The following IFT140 variants were observed in gnomAD, a reference collection of about 807,000 sequenced individuals.
IFT140 encodes intraflagellar transport protein 140 homolog.
IFT140 carries 133 observed loss-of-function variants against 164.6 expected under a neutral mutation model. That is an observed-to-expected ratio of 0.81 (90% confidence interval 0.70 to 0.93). IFT140 has a LOEUF of 0.93. Ranked by LOEUF, IFT140 falls within the 40% of genes least tolerant of loss-of-function variation. The pLI is 0.00. For synonymous variants in IFT140, 860 were observed against 817.3 expected (o/e 1.05, Z -0.89); for missense variants, 2,045 against 1,972.3 (o/e 1.04, Z -0.70).
intron 19 of IFT140, among the ~76,000 whole-genome samples, chr16:1,552,047 G>A (rs993301981): frequency 6.6e-6 from 1 of 152,202 alleles, no homozygotes; most frequent in Non-Finnish European, 1.5e-5. Context: ...GAGGGAGGTT[G>A]ACCCTGGAAG....
intron 19 of IFT140, chr16:1,541,475 C>T (rs1435142754): frequency 1.0e-6 from 1 of 985,348 alleles, no homozygotes; most frequent in African/African-American, 1.7e-5. Context: ...GAGGAGCTGG[C>T]CCCCCGCGGA....
chr16:1,610,362 G>A (rs534609166), intron 2 of IFT140: 4 of 154,996 alleles, frequency 2.6e-5, no homozygotes, highest in Non-Finnish European at 4.4e-5. Flanking sequence ...TCGGGGGTGT[G>A]ATGGCGCCGC....
At chr16:1,541,106 C>A in intron 19 of IFT140, 1 of 985,436 alleles carries the variant, frequency 1.0e-6, no homozygotes, top group Non-Finnish European at 1.2e-6. Flanking sequence ...CAGAAGGCTC[C>A]ATCTGCCCCT....
At chr16:1,585,430 G>A (rs773656014) in intron 10 of IFT140, among the ~76,000 whole-genome samples, 3 of 152,172 alleles carry the variant, frequency 2.0e-5, no homozygotes, top group Non-Finnish European at 4.4e-5. Context: ...AAATAAGAGC[G>A]ACCACTAAAA....
chr16:1,523,699 G>C lies in IFT140; in HGVS notation c.3272C>G (p.Ala1091Gly), dbSNP rs1388883454. 1.2e-6 allele frequency: 2 copies of C among 1,613,062 alleles called. No homozygotes were observed. Among genetic ancestry groups the C allele is most frequent in the African/African-American group, 1.3e-5 (1 of 75,048 alleles). Residue 1091 changes from alanine to glycine, a missense_variant and splice_region_variant, in exon 26 of 31, where the codon GCT (alanine) becomes GGT (glycine). Transcript: ENST00000426508. ...MDRAVMLYHK[A>G]GHFSKALELA... ...CTCCAGGGCCTTGGAGAAGTGGCCA[G>C]CCTGCGGATACGGTGGGCTCTGAGC...
At chr16:1,528,537 A>G (rs1407896392) in intron 19 of IFT140, among the ~76,000 whole-genome samples, 1 of 151,112 alleles carries the variant, frequency 6.6e-6, no homozygotes, top group Non-Finnish European at 1.5e-5. Context: ...ACACAAGCAC[A>G]TGCACGCACA....
chr16:1,556,372 T>C (rs970838455), intron 19 of IFT140, among the ~76,000 whole-genome samples: 1 of 152,252 alleles, frequency 6.6e-6, no homozygotes, highest in Non-Finnish European at 1.5e-5. Context: ...ACCACAGTCC[T>C]GGTGCCTGGC....
rs1265241944 is a variant in IFT140, at chr16:1,567,182, C to T, written c.1771-891G>A. On this transcript the variant is annotated intron_variant, in intron 15 of 30. Transcript: ENST00000426508. Reference sequence around the variant, plus strand: ...ATCGTCAAGCCCCACTGCAGCTGCTCGAGCCCTCCAGTGGCTGCCACGGGG... The same window carrying T: ...ATCGTCAAGCCCCACTGCAGCTGCTTGAGCCCTCCAGTGGCTGCCACGGGG... 3.9e-5 allele frequency among the ~76,000 whole-genome samples: 6 copies of T among 152,314 alleles called. 1 individual carries two copies. The highest frequency in any genetic ancestry group is 9.6e-5 in the African/African-American group (4 of 41,562).
intron 30 of IFT140, among the ~76,000 whole-genome samples, chr16:1,517,811 G>A (rs996068319): frequency 2.0e-5 from 3 of 152,090 alleles, no homozygotes; most frequent in East Asian, 1.9e-4. Context: ...CAGTAACAGC[G>A]TGAGACTGTT....
rs201148396 is a variant in IFT140 at position 1,558,169 on chromosome 16, A to G, written c.2200-35T>C. The G allele has an allele frequency of 1.5e-4, 244 of 1,608,996 alleles. No homozygotes were observed. The African/African-American group carries it at 3.1e-3, about 21-fold the overall frequency. ...AAAGGACCCATGTGTTTGTTAATTC[A>G]TATGTAAAGCTGAAGCCCTCACCCA... On this transcript the variant is annotated intron_variant, in intron 18 of 30. Coordinates refer to ENST00000426508, the MANE Select transcript of IFT140 (RefSeq NM_014714.4).
chr16:1,515,540 A>G (rs1465639955), intron 30 of IFT140, among the ~76,000 whole-genome samples: 1 of 152,012 alleles, frequency 6.6e-6, no homozygotes, highest in Non-Finnish European at 1.5e-5. Flanking sequence ...CCAAGCAGCC[A>G]AGACTGCAGG....
Position 1,592,216 on chromosome 16 carries a change from C to T in IFT140, c.594G>A (p.Gly198=), listed in dbSNP as rs754896534. ...CAAAGAACAACAGCCCCTCGTGAGA[C>T]CCCATCTTCAGCAAACTTCCAGAAC... ...KSSSGSLLKM[G]SHEGLLFFVS... The change falls in exon 6 of 31, where the codon GGG becomes GGA. Residue 198 remains glycine (G), a synonymous_variant. Coordinates refer to ENST00000426508, the MANE Select transcript of IFT140 (RefSeq NM_014714.4). The T allele has an allele frequency of 8.2e-5, 133 of 1,614,094 alleles. 1 individual carries two copies. The highest frequency in any genetic ancestry group is 1.0e-4 in the Non-Finnish European group (121 of 1,180,060).
rs955992979 is a variant in IFT140, at chr16:1,533,952, G to A, written c.2400-7156C>T. On this transcript the variant is annotated intron_variant, in intron 19 of 30. Coordinates refer to ENST00000426508, the MANE Select transcript of IFT140 (RefSeq NM_014714.4). The surrounding 1 kb of genome is among the most constrained non-coding windows in gnomAD (Gnocchi z 4.7). ...GCTGCAGGCGAGAAGAGGCACGCGCGGCACAGGCCGGCCTCCGCTTCCCGG... is the reference window on the plus strand; with the variant it reads ...GCTGCAGGCGAGAAGAGGCACGCGCAGCACAGGCCGGCCTCCGCTTCCCGG... The A allele has an allele frequency of 2.5e-5, 10 of 398,736 alleles. No individual in the cohort carries two copies. Among genetic ancestry groups the A allele is most frequent in the Non-Finnish European group, 4.5e-5 (10 of 222,518 alleles). The allele number at this position is 398,736 out of a possible 1,614,324, so 24.7% of individuals were successfully genotyped here.
chr16:1,535,131 G>C (rs561037961), intron 19 of IFT140, among the ~76,000 whole-genome samples: 1 of 152,260 alleles, frequency 6.6e-6, no homozygotes, highest in East Asian at 1.9e-4. Flanking sequence ...TTCTGGCTTT[G>C]TTCTCACGGT....
chr16:1,592,583 A>C lies in IFT140; in HGVS notation c.375T>G (p.Gly125=). 6.2e-7 allele frequency: 1 copy of C among 1,614,004 alleles called. No individual in the cohort carries two copies. The highest frequency in any genetic ancestry group is 8.5e-7 in the Non-Finnish European group (1 of 1,179,922). The change falls in exon 5 of 31, where the codon GGT becomes GGG. Residue 125 remains glycine (G), a synonymous_variant. Coordinates refer to ENST00000426508, the MANE Select transcript of IFT140 (RefSeq NM_014714.4). Reference sequence around the variant, plus strand: ...GGTCCAACCTCCACAAGAGCAAGACACCAAGCTGGAAAGACCCAACACCAC... The same window carrying C: ...GGTCCAACCTCCACAAGAGCAAGACCCCAAGCTGGAAAGACCCAACACCAC... ...GNCLLSGDRL[G]VLLLWRLDQR...
At chr16:1,594,222 T>C (rs2035336638) in intron 4 of IFT140, among the ~76,000 whole-genome samples, 1 of 148,284 alleles carries the variant, frequency 6.7e-6, no homozygotes, top group Admixed American at 7.0e-5. Flanking sequence ...AAAAAAAGTT[T>C]TTTGTTTTTT....
chr16:1,558,636 G>C (rs967497086), intron 18 of IFT140, among the ~76,000 whole-genome samples: 2 of 152,114 alleles, frequency 1.3e-5, no homozygotes, highest in Admixed American at 1.3e-4. Flanking sequence ...CGGTGCTCCC[G>C]AGGGACCACT....
chr16:1,590,218 A>T (rs911090269), intron 6 of IFT140, among the ~76,000 whole-genome samples: 2 of 151,638 alleles, frequency 1.3e-5, no homozygotes, highest in African/African-American at 2.4e-5. Context: ...AAAAAAAAAA[A>T]AAAATTAAAA....
chr16:1,522,381 C>A (rs921653702), intron 26 of IFT140, among the ~76,000 whole-genome samples: 3 of 151,686 alleles, frequency 2.0e-5, no homozygotes, highest in African/African-American at 7.3e-5. Context: ...AATAAAAATA[C>A]AAAATTAGCC....
Sources: allele counts gnomAD v4.1 joint callset (sites outside exome capture counted in the v4.1 genomes callset), GRCh38; gene constraint gnomAD v4.1.1; non-coding constraint Gnocchi (gnomAD v3.1); transcripts MANE v1.5; gene names NCBI Gene and HGNC (gene_info 2026-07-23, HGNC 2026-07-21).